Variants in ADGRE1 observed in about 807,000 individuals in gnomAD.
ADGRE1 encodes the protein adhesion G protein-coupled receptor E1, also known as EGF-like module receptor 1.
A neutral mutation model predicts 102.7 loss-of-function variants in ADGRE1; 82 were observed. The ratio of observed to expected loss-of-function variants is 0.80; its 90% CI spans 0.67 to 0.96. The LOEUF is 0.96. Ranked by LOEUF, ADGRE1 falls within the 40% of genes least tolerant of loss-of-function variation. ADGRE1 has a pLI of 0.00. For synonymous variants in ADGRE1, 398 were observed against 399.6 expected (o/e 1.00, Z 0.05); for missense variants, 1,032 against 1,085.3 (o/e 0.95, Z 0.69).
At chr19:6,937,167 A>G in intron 18 of ADGRE1, 76 bp from the exon 19 acceptor site, 1 of 1,523,968 alleles carries the variant, frequency 6.6e-7, no homozygotes, top group African/African-American at 1.4e-5. Flanking sequence ...GCCACCTCAG[A>G]CCATTCCTGG....
chr19:6,937,342 C>T lies in ADGRE1; in HGVS notation c.2481C>T (p.Tyr827=), dbSNP rs1404800234. 2 of 1,614,052 alleles carry T rather than the reference C, an allele frequency of 1.2e-6. No homozygotes were observed. Among genetic ancestry groups the T allele is most frequent in the Admixed American group, 1.7e-5 (1 of 60,004 alleles). ...QIGPVAGVMA[Y]LFTIINSLQG... ...GACCTGTGGCAGGTGTCATGGCTTA[C>T]CTGTTCACCATCATCAACAGCCTGC... The change falls in exon 19 of 21, where the codon TAC becomes TAT. Residue 827 remains tyrosine (Y), a synonymous_variant. Coordinates refer to ENST00000312053, the MANE Select transcript of ADGRE1 (RefSeq NM_001974.5).
chr19:6,914,349 A>G (rs941061193), intron 11 of ADGRE1, among the ~76,000 whole-genome samples: 3 of 152,364 alleles, frequency 2.0e-5, no homozygotes, highest in South Asian at 4.1e-4. Context: ...CATGGCCTCA[A>G]GTCAATTTAC....
At chr19:6,933,702 T>G (rs1975262136) in intron 17 of ADGRE1, among the ~76,000 whole-genome samples, 1 of 152,110 alleles carries the variant, frequency 6.6e-6, no homozygotes, top group South Asian at 2.1e-4. Context: ...ACATTTTTGG[T>G]TGTTACAACT....
At chr19:6,890,617 A>G in intron 2 of ADGRE1, 74 bp downstream of exon 2, 5 of 1,504,222 alleles carry the variant, frequency 3.3e-6, no homozygotes, top group Non-Finnish European at 4.6e-6. Flanking sequence ...CATCCCAGGA[A>G]GCTGAGCCTC....
At chr19:6,920,037 G>T (rs1355952887) in intron 13 of ADGRE1, among the ~76,000 whole-genome samples, 1 of 152,158 alleles carries the variant, frequency 6.6e-6, no homozygotes, top group African/African-American at 2.4e-5. Context: ...AAGGAGACAA[G>T]AGTCTGGCTC....
rs1810490299 is a variant in ADGRE1, at chr19:6,924,801, C to T, written c.1915C>T (p.Leu639=). ...CCGAAATCACAACACCTACCTCCAC[C>T]TGCACCTCTGCGTGTGTCTCCTCTT... ...SIRNHNTYLH[L]HLCVCLLLAK... Residue 639 remains leucine, a synonymous_variant, in exon 15 of 21, where the codon CTG becomes TTG. Transcript: ENST00000312053. 3.1e-6 allele frequency: 5 copies of T among 1,614,070 alleles called. No individual in the cohort carries two copies. The highest frequency in any genetic ancestry group is 1.7e-5 in the Admixed American group (1 of 59,988).
Position 6,897,562 on chromosome 19 carries a change from CT to C in ADGRE1, c.514+16del. 2 of 1,524,784 alleles carry C rather than the reference CT, an allele frequency of 1.3e-6. No individual in the cohort carries two copies. The highest frequency in any genetic ancestry group is 1.8e-6 in the Non-Finnish European group (2 of 1,140,714). The allele number at this position is 1,524,784 out of a possible 1,614,324, so 94.5% of individuals were successfully genotyped here. On this transcript the variant is annotated intron_variant, in intron 5 of 20. Transcript: ENST00000312053. ...CACCTGTGAAGGTATCCATGACCAT[CT>C]CTTTATTATTTACCTACTTAATTAA...
At chr19:6,928,831 G>A (rs1169027580) in intron 17 of ADGRE1, among the ~76,000 whole-genome samples, 1 of 151,968 alleles carries the variant, frequency 6.6e-6, no homozygotes, top group Non-Finnish European at 1.5e-5. Context: ...CTACTCAGGA[G>A]GCTGAGGCAG....
intron 17 of ADGRE1, among the ~76,000 whole-genome samples, chr19:6,932,292 C>A (rs867218666): frequency 2.7e-4 from 41 of 151,874 alleles, no homozygotes; most frequent in African/African-American, 9.4e-4. Context: ...CATGGTGAAA[C>A]CCCGTCTCCA....
intron 16 of ADGRE1, among the ~76,000 whole-genome samples, chr19:6,927,305 C>CTCCCTTCCTCTCTTCCT (rs1974964252): frequency 7.2e-6 from 1 of 138,990 alleles, no homozygotes; most frequent in African/African-American, 2.7e-5. Context: ...CCCTCTCTTC[C>CTCCCTTCCTCTCTTCCT]TCCCTTCCTC....
At chr19:6,904,852 C>T (rs1973900506) in intron 8 of ADGRE1, among the ~76,000 whole-genome samples, 1 of 152,034 alleles carries the variant, frequency 6.6e-6, no homozygotes, top group Admixed American at 6.6e-5. Flanking sequence ...TGATTATGCT[C>T]CAAGCAAACA....
intron 5 of ADGRE1, among the ~76,000 whole-genome samples, chr19:6,901,282 G>A (rs1340239750): frequency 6.6e-6 from 1 of 152,110 alleles, no homozygotes; most frequent in Non-Finnish European, 1.5e-5. Context: ...CACATGTCTG[G>A]GGCTCATCTG....
At position 6,908,774 on chromosome 19, in the gene ADGRE1, T is replaced by G; in HGVS notation, c.1122+2T>G. The stretch of plus-strand genomic sequence containing the variant: ...AAAACGACCGTAGTTTCTCTGAAGG[T>G]AACGATTGGGTCTTTTAAATTGTGT... On this transcript the variant is annotated splice_donor_variant, in intron 10 of 20. Coordinates refer to ENST00000312053, the MANE Select transcript of ADGRE1 (RefSeq NM_001974.5). LOFTEE classifies it high-confidence loss of function. 6.2e-7 allele frequency: 1 copy of G among 1,605,076 alleles called. No individual in the cohort carries two copies. The highest frequency in any genetic ancestry group is 8.5e-7 in the Non-Finnish European group (1 of 1,177,634).
At chr19:6,933,692 A>G (rs1312425250) in intron 17 of ADGRE1, among the ~76,000 whole-genome samples, 4 of 152,042 alleles carry the variant, frequency 2.6e-5, no homozygotes, top group Non-Finnish European at 5.9e-5. Context: ...CGACCAGAAG[A>G]CATTTTTGGT....
chr19:6,896,276 A>T (rs1973547561), intron 2 of ADGRE1, 122 bp from the exon 3 acceptor site: 1 of 944,512 alleles, frequency 1.1e-6, no homozygotes, highest in Non-Finnish European at 1.6e-6. Flanking sequence ...ACTGTAACGT[A>T]TCTTTTGGGA....
chr19:6,936,960 G>T (rs1453121939), intron 18 of ADGRE1, among the ~76,000 whole-genome samples: 1 of 152,098 alleles, frequency 6.6e-6, no homozygotes, highest in East Asian at 1.9e-4. Flanking sequence ...TTTTCACCAT[G>T]TTGGCCAGGC....
intron 10 of ADGRE1, among the ~76,000 whole-genome samples, chr19:6,911,655 GCACA>G (rs571995580): frequency 6.8e-6 from 1 of 146,610 alleles, no homozygotes; most frequent in East Asian, 2.0e-4. Context: ...ACACACATGC[GCACA>G]CACATACACA....
chr19:6,912,991 G>A (rs1461572977), intron 10 of ADGRE1, among the ~76,000 whole-genome samples: 1 of 152,160 alleles, frequency 6.6e-6, no homozygotes, highest in Non-Finnish European at 1.5e-5. Context: ...CTGGAGTGCA[G>A]TGGAGTGATC....
intron 18 of ADGRE1, among the ~76,000 whole-genome samples, chr19:6,936,063 C>A (rs1168516961): frequency 6.6e-6 from 1 of 152,126 alleles, no homozygotes; most frequent in Non-Finnish European, 1.5e-5. Flanking sequence ...TGTCAGTAAC[C>A]TAATAACATT....
Sources: gnomAD v4.1 joint callset for allele counts (sites outside exome capture counted in the v4.1 genomes callset) on GRCh38, gnomAD v4.1.1 for gene constraint, MANE v1.5 for transcripts, NCBI Gene and HGNC (gene_info 2026-07-23, HGNC 2026-07-21) for gene names.